The following COPZ1 variants were observed in gnomAD, a reference collection of about 807,000 sequenced individuals.
The protein encoded by COPZ1 is coat protein complex I subunit zeta 1, also known as coatomer subunit zeta-1.
In COPZ1, 4 loss-of-function variants were observed where a neutral mutation model predicts 31.7. The observed-to-expected ratio is 0.13, with a 90% confidence interval of 0.06 to 0.29. The LOEUF is 0.29. COPZ1 is among the 10% of genes least tolerant of loss of function. The pLI is 1.00. For synonymous variants in COPZ1, 74 were observed against 79.0 expected, an observed-to-expected ratio of 0.94 and a Z score of 0.33; for missense variants, 156 against 211.5, an observed-to-expected ratio of 0.74 and a Z score of 1.63.
intron 1 of COPZ1, among the ~76,000 whole-genome samples, chr12:54,339,828 A>G (rs1953939555): frequency 6.6e-6 from 1 of 152,078 alleles, no homozygotes; most frequent in South Asian, 2.1e-4. Flanking sequence ...TCATCTTCTC[A>G]CTGCTTCTTA....
In COPZ1 at chr12:54,350,500, A is replaced by G. The variant is rs1954129620; in HGVS notation, c.511A>G (p.Ile171Val). Reference sequence around the variant, plus strand: ...GGTGCTGCAGTCAGCCAAAGAACAGATCAAGTGGTCACTCCTTCGGTGAAG... The same window carrying G: ...GGTGCTGCAGTCAGCCAAAGAACAGGTCAAGTGGTCACTCCTTCGGTGAAG... ...SQVLQSAKEQIKWSLLR is the reference protein window; with the variant it reads ...SQVLQSAKEQVKWSLLR The change falls in exon 9 of 9, where the codon ATC becomes GTC. Residue 171 changes from isoleucine to valine, a missense_variant. Physicochemically the swap from Ile to Val is conservative, Grantham distance 29. Transcript: ENST00000262061. 1 of 1,614,124 alleles carries G rather than the reference A, an allele frequency of 6.2e-7. No homozygotes were observed. Among genetic ancestry groups the G allele is most frequent in the African/African-American group, 1.3e-5 (1 of 75,032 alleles).
In COPZ1 at chr12:54,351,797, C is replaced by T. The variant is rs1381702893; in HGVS notation, c.*1274C>T. 2 of 152,190 alleles carry T rather than the reference C, an allele frequency of 1.3e-5. No homozygotes were observed. Among genetic ancestry groups the T allele is most frequent in the Non-Finnish European group, 2.9e-5 (2 of 68,040 alleles). The allele number at this position is 152,190 out of a possible 1,614,324, so 9.4% of individuals were successfully genotyped here. A position where few individuals can be genotyped will look rare whatever the true frequency, so the allele number is the denominator to read the frequency against. On this transcript the variant is annotated 3_prime_UTR_variant, in exon 9 of 9. Transcript: ENST00000262061. ...AAGATGCATGGAGTCAGGAGAAAACCACCTTCATAAACTGCTCTGTGCAAA... is the reference window on the plus strand; with the variant it reads ...AAGATGCATGGAGTCAGGAGAAAACTACCTTCATAAACTGCTCTGTGCAAA...
At chr12:54,334,702 A>G (rs184051812) in intron 1 of COPZ1, among the ~76,000 whole-genome samples, 68 of 151,758 alleles carry the variant, frequency 4.5e-4, no homozygotes, top group African/African-American at 1.0e-3. Flanking sequence ...AAAAAATACA[A>G]AAGAATTAGC....
chr12:54,338,968 G>C (rs546167547), intron 1 of COPZ1, among the ~76,000 whole-genome samples: 2 of 152,224 alleles, frequency 1.3e-5, no homozygotes, highest in African/African-American at 4.8e-5. Context: ...CTGGGTTCTT[G>C]GCAATGATTT....
chr12:54,325,478 A>G (rs906958256), intron 1 of COPZ1: 2 of 326,746 alleles, frequency 6.1e-6, no homozygotes, highest in Non-Finnish European at 1.1e-5. Flanking sequence ...GTTGCCCCTT[A>G]TTTTTAGCAT....
chr12:54,328,568 AAAGTT>A (rs1449334998), intron 1 of COPZ1, among the ~76,000 whole-genome samples: 5 of 152,296 alleles, frequency 3.3e-5, no homozygotes, highest in East Asian at 1.9e-4. Context: ...CTGTCTCAGA[AAAGTT>A]AAAGAAAAAG....
At position 54,345,534 on chromosome 12, in the gene COPZ1, T is replaced by C. The variant is rs553407124; in HGVS notation, c.317+19T>C. Reference sequence around the variant, plus strand: ...TGCTGAGGTGAGCAGGACATTCTTTTTTTTCCCCTCAAGTTATGATGGAAA... The same window carrying C: ...TGCTGAGGTGAGCAGGACATTCTTTCTTTTCCCCTCAAGTTATGATGGAAA... On this transcript the variant is annotated intron_variant, in intron 5 of 8. Coordinates refer to ENST00000262061, the MANE Select transcript of COPZ1 (RefSeq NM_016057.3). 11 of 1,598,082 alleles carry C rather than the reference T, an allele frequency of 6.9e-6. No homozygotes were observed. In the African/African-American group the frequency reaches 1.3e-4, roughly 19 times the overall value.
chr12:54,346,270 C>CTTTTT (rs1029430029), intron 5 of COPZ1, among the ~76,000 whole-genome samples: 1 of 138,446 alleles, frequency 7.2e-6, no homozygotes, highest in South Asian at 2.3e-4. Context: ...ATTTTTTTTT[C>CTTTTT]TTTTTTTTTT....
intron 1 of COPZ1, among the ~76,000 whole-genome samples, chr12:54,332,179 G>A (rs1953769309): frequency 1.3e-5 from 2 of 151,932 alleles, no homozygotes; most frequent in South Asian, 2.1e-4. Context: ...AAAATTAGCC[G>A]GTCATGGTGT....
chr12:54,327,587 G>A (rs1003401234), intron 1 of COPZ1, among the ~76,000 whole-genome samples: 7 of 152,102 alleles, frequency 4.6e-5, no homozygotes, highest in South Asian at 2.1e-4. Context: ...GTGAGCCACC[G>A]TGCCCGGCAG....
chr12:54,344,455 G>A (rs1592208649), intron 4 of COPZ1, among the ~76,000 whole-genome samples: 2 of 152,132 alleles, frequency 1.3e-5, no homozygotes, highest in Admixed American at 6.5e-5. Flanking sequence ...GCGGGCACCT[G>A]TAGTCCCAGC....
At chr12:54,339,906 A>G (rs1344462745) in intron 1 of COPZ1, among the ~76,000 whole-genome samples, 1 of 152,032 alleles carries the variant, frequency 6.6e-6, no homozygotes, top group Non-Finnish European at 1.5e-5. Context: ...GTATAGTGGA[A>G]GAATTGGAGA....
At chr12:54,347,469 C>CA (rs1954083685) in intron 5 of COPZ1, among the ~76,000 whole-genome samples, 1 of 152,100 alleles carries the variant, frequency 6.6e-6, no homozygotes, top group Admixed American at 6.6e-5. Context: ...TGTTTATGAG[C>CA]AATGTTATGA....
chr12:54,345,412 T>C lies in COPZ1; in HGVS notation c.262-48T>C, dbSNP rs377631857. On this transcript the variant is annotated intron_variant, in intron 4 of 8. Transcript: ENST00000262061. ...GGAGGTTTTGTTTTTAGGTAGCAGC[T>C]TTCAGGGCCTTGAACCTTATCCTTC... 2.1e-5 allele frequency: 31 copies of C among 1,473,106 alleles called. No individual in the cohort carries two copies. In the South Asian group the frequency reaches 2.8e-4, roughly 13 times the overall value. The allele number at this position is 1,473,106 out of a possible 1,614,324, so 91.3% of individuals were successfully genotyped here.
rs377631857 is a variant in COPZ1 at position 54,345,412 on chromosome 12, T to G, written c.262-48T>G. On this transcript the variant is annotated intron_variant, in intron 4 of 8. Transcript: ENST00000262061. ...GGAGGTTTTGTTTTTAGGTAGCAGC[T>G]TTCAGGGCCTTGAACCTTATCCTTC... 6.8e-4 allele frequency: 997 copies of G among 1,473,094 alleles called. 12 individuals carry two copies. The South Asian group carries it at 0.01, about 15-fold the overall frequency. 91.3% of individuals were successfully genotyped at this position (1,473,094 alleles called of 1,614,324 possible).
intron 2 of COPZ1, among the ~76,000 whole-genome samples, chr12:54,341,628 C>G (rs1953975085): frequency 6.6e-6 from 1 of 152,226 alleles, no homozygotes; most frequent in African/African-American, 2.4e-5. Context: ...ATTTAGCAGC[C>G]TGCATCTCCG....
chr12:54,348,977 C>T (rs1954105600), intron 7 of COPZ1, among the ~76,000 whole-genome samples: 1 of 151,766 alleles, frequency 6.6e-6, no homozygotes, highest in Admixed American at 6.6e-5. Flanking sequence ...AGCAAATCTC[C>T]CCATTCACAG....
intron 1 of COPZ1, among the ~76,000 whole-genome samples, chr12:54,334,427 A>C (rs1953817306): frequency 6.6e-6 from 1 of 151,932 alleles, no homozygotes; most frequent in Non-Finnish European, 1.5e-5. Flanking sequence ...TCAAAAAAAA[A>C]AATCTGATAT....
At chr12:54,349,285 AAGGC>A (rs1288546205) in intron 7 of COPZ1, among the ~76,000 whole-genome samples, 4 of 152,138 alleles carry the variant, frequency 2.6e-5, no homozygotes, top group African/African-American at 9.7e-5. Flanking sequence ...ATATTCAGAA[AAGGC>A]CTTTTCTGAC....
Sources: gnomAD v4.1 joint callset for allele counts (sites outside exome capture counted in the v4.1 genomes callset) on GRCh38, gnomAD v4.1.1 for gene constraint, MANE v1.5 for transcripts, NCBI Gene and HGNC (gene_info 2026-07-23, HGNC 2026-07-21) for gene names.